Variants in TSPAN11 observed in about 807,000 individuals in gnomAD.
The protein encoded by TSPAN11 is tetraspanin-11.
TSPAN11 carries 29 observed loss-of-function variants against 32.9 expected under a neutral mutation model. The ratio of observed to expected loss-of-function variants is 0.88; its 90% CI spans 0.66 to 1.20. TSPAN11 has a LOEUF of 1.20. TSPAN11 is among the 50% of genes most tolerant of loss of function. The pLI is 0.00. For synonymous variants in TSPAN11, 140 were observed against 141.3 expected (o/e 0.99, Z 0.07); for missense variants, 283 against 329.1 (o/e 0.86, Z 1.08).
chr12:30,953,905 C>A, intron 1 of TSPAN11, 76 bp from the exon 2 acceptor site: 1 of 1,120,532 alleles, frequency 8.9e-7, no homozygotes, highest in Non-Finnish European at 1.3e-6. Flanking sequence ...GGAGCCTTGC[C>A]AAGATGCTCT....
intron 2 of TSPAN11, among the ~76,000 whole-genome samples, chr12:30,955,681 C>T (rs1293721360): frequency 2.0e-5 from 3 of 152,140 alleles, no homozygotes; most frequent in Admixed American, 2.0e-4. Context: ...CCTCGCCTCA[C>T]CCCAGCTTCT....
chr12:30,982,837 TC>T, intron 6 of TSPAN11, 147 bp downstream of exon 6: 1 of 1,275,136 alleles, frequency 7.8e-7, no homozygotes, highest in Non-Finnish European at 1.1e-6. Flanking sequence ...TCTGGGGCTT[TC>T]CAGAGTCTCT....
chr12:30,954,779 G>C (rs1938448182), intron 2 of TSPAN11: 1 of 152,230 alleles, frequency 6.6e-6, no homozygotes, highest in African/African-American at 2.4e-5. Context: ...ACTACTAATG[G>C]TGGAGCCTTG....
chr12:30,969,803 G>A (rs1938811833), intron 3 of TSPAN11, among the ~76,000 whole-genome samples: 1 of 152,206 alleles, frequency 6.6e-6, no homozygotes, highest in South Asian at 2.1e-4. Context: ...GCACAAGGCA[G>A]GGTGAGAAGG....
chr12:30,959,482 T>G (rs11051182), intron 2 of TSPAN11, among the ~76,000 whole-genome samples: 6,626 of 152,172 alleles, frequency 0.044, 480 homozygotes, highest in African/African-American at 0.15. Context: ...AACAGAAGGC[T>G]TGGACTCGGA....
chr12:30,949,348 T>C (rs11513493), intron 1 of TSPAN11, among the ~76,000 whole-genome samples: 73,707 of 152,138 alleles, frequency 0.48, 20,551 homozygotes, highest in African/African-American at 0.79. Context: ...CTGATAAAGA[T>C]GTACCCGAGA....
downstream of TSPAN11, chr12:30,996,616 T>C (rs896889075): frequency 3.9e-5 from 6 of 152,156 alleles, no homozygotes; most frequent in Non-Finnish European, 8.8e-5. Flanking sequence ...TCTGTTGAAT[T>C]TTTTTCTCCT....
At chr12:30,937,707 C>T (rs564097574) in intron 1 of TSPAN11, among the ~76,000 whole-genome samples, 1 of 152,216 alleles carries the variant, frequency 6.6e-6, no homozygotes, top group Non-Finnish European at 1.5e-5. Flanking sequence ...CCCAGACCAA[C>T]AGCATCAGCC....
chr12:31,007,987 G>T, the TSPAN11 span, among the ~76,000 whole-genome samples: 1 of 152,184 alleles, frequency 6.6e-6, no homozygotes, highest in African/African-American at 2.4e-5. Context: ...GAGGCATCTT[G>T]GTCAAAGCTA....
rs1324547521 is a variant in TSPAN11, at chr12:30,957,241, C to CA, written c.84+3166_84+3167insA. Among the ~76,000 whole-genome samples, 119 of 132,286 alleles carry CA rather than the reference C, an allele frequency of 9.0e-4. 2 individuals carry two copies. The highest frequency in any genetic ancestry group is 5.4e-3 in the East Asian group (23 of 4,244). The allele number at this position is 132,286 out of a possible 152,430, so 86.8% of individuals were successfully genotyped here. ...GAATGGCCTGGGACCCCCCCCCCCC[C>CA]CACACCATGGTCTTCTGCCCCTCTG... On this transcript the variant is annotated intron_variant, in intron 2 of 7. Coordinates refer to ENST00000546076, the MANE Select transcript of TSPAN11 (RefSeq NM_001370302.1).
intron 1 of TSPAN11, among the ~76,000 whole-genome samples, chr12:30,938,111 G>T (rs1938083841): frequency 6.6e-6 from 1 of 152,206 alleles, no homozygotes; most frequent in Admixed American, 6.5e-5. Flanking sequence ...AAGAAGGGGA[G>T]AAAATCTTCT....
At chr12:30,987,017 G>A (rs1939213308) in intron 7 of TSPAN11, among the ~76,000 whole-genome samples, 1 of 152,202 alleles carries the variant, frequency 6.6e-6, no homozygotes, top group South Asian at 2.1e-4. Flanking sequence ...AGCCAGCATT[G>A]AAAAAAGAGC....
intron 5 of TSPAN11, 151 bp downstream of exon 5, chr12:30,979,821 T>C (rs1939052623): frequency 5.4e-6 from 4 of 743,002 alleles, no homozygotes; most frequent in Non-Finnish European, 8.9e-6. Flanking sequence ...TTAGGGCACA[T>C]GAGCATTAAA....
chr12:30,978,555 T>C lies in TSPAN11; in HGVS notation c.277-6T>C, dbSNP rs1395943071. 6.2e-7 allele frequency: 1 copy of C among 1,614,198 alleles called. No homozygotes were observed. The highest frequency in any genetic ancestry group is 8.5e-7 in the Non-Finnish European group (1 of 1,180,010). On this transcript the variant is annotated splice_polypyrimidine_tract_variant and splice_region_variant and intron_variant, in intron 3 of 7. Transcript: ENST00000546076. ...AGTGGTGACCGTCCTCTCTCTTTGCTGCTAGTATTTCTGCCTGTTGCTCGT... is the reference window on the plus strand; with the variant it reads ...AGTGGTGACCGTCCTCTCTCTTTGCCGCTAGTATTTCTGCCTGTTGCTCGT...
intron 1 of TSPAN11, among the ~76,000 whole-genome samples, chr12:30,935,373 GTTTTTTTTTTTTTT>G (rs35076467): frequency 8.3e-6 from 1 of 120,920 alleles, no homozygotes; most frequent in Non-Finnish European, 1.6e-5. Context: ...TGCTTTGTGG[GTTTTTTTTTTTTTT>G]TTTTTTTTTT....
the TSPAN11 span, among the ~76,000 whole-genome samples, chr12:31,007,515 C>T: frequency 6.6e-6 from 1 of 152,118 alleles, no homozygotes; most frequent in Admixed American, 6.5e-5. Flanking sequence ...TTTTGGTCAC[C>T]ACTGCCTCAT....
Position 30,991,950 on chromosome 12 carries a change from GACA to G in TSPAN11, c.*39_*41del, listed in dbSNP as rs775624681. 33 of 1,613,090 alleles carry G rather than the reference GACA, an allele frequency of 2.0e-5. No individual in the cohort carries two copies. The African/African-American group carries it at 4.4e-4, about 22-fold the overall frequency. On this transcript the variant is annotated 3_prime_UTR_variant, in exon 8 of 8. Transcript: ENST00000546076. Reference sequence around the variant, plus strand: ...ACCTCCTCTTCCAACTGCCCCTCAAGACAACATGTGGCCACATGCCATCTGCAA... The same window carrying G: ...ACCTCCTCTTCCAACTGCCCCTCAAGACATGTGGCCACATGCCATCTGCAA...
chr12:30,963,581 G>A (rs1371140735), intron 2 of TSPAN11, among the ~76,000 whole-genome samples: 2 of 152,210 alleles, frequency 1.3e-5, no homozygotes, highest in East Asian at 3.8e-4. Context: ...AAAAAGCACC[G>A]AATTCACAGT....
chr12:30,997,420 G>A (rs1939432572), downstream of TSPAN11: 1 of 152,376 alleles, frequency 6.6e-6, no homozygotes. Context: ...CAGTTTCACA[G>A]GCTTAACAGG....
Sources: gnomAD v4.1 joint callset for allele counts (sites outside exome capture counted in the v4.1 genomes callset) on GRCh38, gnomAD v4.1.1 for gene constraint, MANE v1.5 for transcripts, NCBI Gene and HGNC (gene_info 2026-07-23, HGNC 2026-07-21) for gene names.